MRRF: variants seen among roughly 807,000 people sequenced by gnomAD.
The protein encoded by MRRF is mitochondrial ribosome recycling factor, also known as ribosome-recycling factor, mitochondrial.
Under a neutral mutation model 25.1 loss-of-function variants are expected in MRRF, and 18 were observed. The observed-to-expected ratio is 0.72, with a 90% CI of 0.50 to 1.06. The LOEUF (loss-of-function observed/expected upper bound fraction) is 1.06. Among genes scored for constraint, MRRF ranks in the 50% least tolerant of loss-of-function variants. The pLI is 0.00. For synonymous variants in MRRF, 113 were observed against 112.1 expected, an observed-to-expected ratio of 1.01 and a Z score of -0.05; for missense variants, 323 against 319.3, an observed-to-expected ratio of 1.01 and a Z score of -0.09.
intron 6 of MRRF, among the ~76,000 whole-genome samples, chr9:122,318,936 C>T (rs1425027196): frequency 6.6e-6 from 1 of 152,044 alleles, no homozygotes. Context: ...AATTGTTCGC[C>T]CTGTTTCTTT....
chr9:122,313,451 G>A, intron 6 of MRRF, 65 bp downstream of exon 6: 1 of 1,543,742 alleles, frequency 6.5e-7, no homozygotes, highest in South Asian at 1.1e-5. Flanking sequence ...GTTCATGTTT[G>A]AGGTGAGGAC....
chr9:122,283,293 C>T (rs1317812716), intron 3 of MRRF, among the ~76,000 whole-genome samples: 2 of 152,044 alleles, frequency 1.3e-5, no homozygotes, highest in Admixed American at 1.3e-4. Flanking sequence ...CAAGGTTTCA[C>T]TATGTTGGCC....
chr9:122,302,085 C>T (rs1272653338), intron 5 of MRRF, among the ~76,000 whole-genome samples: 2 of 152,060 alleles, frequency 1.3e-5, no homozygotes, highest in Non-Finnish European at 2.9e-5. Context: ...TTGTCTGTCT[C>T]TACTGCCGTG....
intron 2 of MRRF, among the ~76,000 whole-genome samples, chr9:122,275,948 C>G (rs1832744784): frequency 2.0e-5 from 3 of 151,988 alleles, no homozygotes; most frequent in African/African-American, 7.2e-5. Context: ...CCCTCTGTCA[C>G]CCAGACTGGA....
At chr9:122,278,682 T>G (rs567111498) in intron 2 of MRRF, among the ~76,000 whole-genome samples, 1 of 152,228 alleles carries the variant, frequency 6.6e-6, no homozygotes, top group Non-Finnish European at 1.5e-5. Flanking sequence ...AAGTTGAAGA[T>G]ATTATTTCAG....
chr9:122,296,830 G>A (rs1328482720), intron 5 of MRRF, among the ~76,000 whole-genome samples: 2 of 152,122 alleles, frequency 1.3e-5, no homozygotes, highest in Non-Finnish European at 2.9e-5. Flanking sequence ...TAGAATAGTG[G>A]TGCTTTGGTT....
At chr9:122,317,962 C>A (rs1036231408) in intron 6 of MRRF, among the ~76,000 whole-genome samples, 1 of 152,104 alleles carries the variant, frequency 6.6e-6, no homozygotes, top group South Asian at 2.1e-4. Context: ...ACGGTGAAAC[C>A]CTGTCTTTAC....
intron 5 of MRRF, among the ~76,000 whole-genome samples, chr9:122,310,493 T>C (rs1174271689): frequency 3.3e-5 from 5 of 152,274 alleles, no homozygotes; most frequent in African/African-American, 1.2e-4. Context: ...CTTCTGCAGC[T>C]AACAAGTTAC....
intron 5 of MRRF, among the ~76,000 whole-genome samples, chr9:122,311,156 G>C (rs1384525875): frequency 1.3e-5 from 2 of 152,156 alleles, no homozygotes; most frequent in Non-Finnish European, 2.9e-5. Flanking sequence ...AGGATAGTCA[G>C]CTTCTGAGCA....
At position 122,291,794 on chromosome 9, in the gene MRRF, CTG is replaced by C; in HGVS notation, c.506_507del (p.Leu169GlnfsTer63). 1 of 1,613,980 alleles carries C rather than the reference CTG, an allele frequency of 6.2e-7. No homozygotes were observed. Among genetic ancestry groups the C allele is most frequent in the Non-Finnish European group, 8.5e-7 (1 of 1,179,818 alleles). Reference sequence around the variant, plus strand: ...GGCTATAAGAGAAAGTGGAATGAATCTGAACCCAGAAGTGGAAGGGACGCTAA... The same window carrying C: ...GGCTATAAGAGAAAGTGGAATGAATCAACCCAGAAGTGGAAGGGACGCTAA... ...IKAIRESGMN[L>X]NPEVEGTLIR... On this transcript the variant is annotated frameshift_variant, in exon 5 of 7. Coordinates refer to ENST00000344641, the MANE Select transcript of MRRF (RefSeq NM_138777.5). LOFTEE classifies it high-confidence loss of function.
At chr9:122,313,173 G>A in intron 5 of MRRF, 54 bp from the exon 6 acceptor site, 1 of 1,558,152 alleles carries the variant, frequency 6.4e-7, no homozygotes, top group Non-Finnish European at 8.8e-7. Flanking sequence ...TAAATTCTTG[G>A]CCAGCAGTTA....
intron 5 of MRRF, among the ~76,000 whole-genome samples, chr9:122,307,998 G>A (rs1447317141): frequency 6.6e-6 from 1 of 152,212 alleles, no homozygotes; most frequent in African/African-American, 2.4e-5. Context: ...TCTGTTGTGT[G>A]AGTTAGCAGT....
intron 5 of MRRF, among the ~76,000 whole-genome samples, chr9:122,297,534 T>C (rs995618574): frequency 1.3e-5 from 2 of 152,208 alleles, no homozygotes; most frequent in African/African-American, 4.8e-5. Context: ...TCACTCTTTT[T>C]CTAAAGGTGT....
chr9:122,282,537 A>T (rs1045802753), intron 3 of MRRF, among the ~76,000 whole-genome samples: 1 of 152,268 alleles, frequency 6.6e-6, no homozygotes, highest in Non-Finnish European at 1.5e-5. Context: ...GGAGTTGGTC[A>T]GACCTGGGTT....
At chr9:122,272,388 G>A (rs953616837) in intron 2 of MRRF, among the ~76,000 whole-genome samples, 4 of 152,138 alleles carry the variant, frequency 2.6e-5, no homozygotes, top group Non-Finnish European at 5.9e-5. Context: ...TGGTTTAGCC[G>A]AGTGCTGTGG....
chr9:122,270,954 C>T lies in MRRF; in HGVS notation c.63C>T (p.Ala21=). Residue 21 remains alanine (A), a synonymous_variant, in exon 2 of 7, where the codon GCC becomes GCT. Transcript: ENST00000344641. Reference sequence around the variant, plus strand: ...CTACCTTTCGCAATTATCTTGCAGCCTCTATCAGACCCGTTTCAGAAGTTA... The same window carrying T: ...CTACCTTTCGCAATTATCTTGCAGCTTCTATCAGACCCGTTTCAGAAGTTA... ...VHPTFRNYLA[A]SIRPVSEVTL... is the part of the protein sequence containing the mutation. 1 of 1,614,186 alleles carries T rather than the reference C, an allele frequency of 6.2e-7. No homozygotes were observed. Among genetic ancestry groups the T allele is most frequent in the Non-Finnish European group, 8.5e-7 (1 of 1,180,010 alleles).
chr9:122,285,307 A>G lies in MRRF; in HGVS notation c.459+20A>G, dbSNP rs376641899. ...CCAGAGGTAAGATGGCCTTGCTAAA[A>G]TCTCTCTCCGTGGTCTCTTTTGGAA... is the stretch of plus-strand genomic sequence containing the variant. On this transcript the variant is annotated intron_variant, in intron 4 of 6. Transcript: ENST00000344641. 5 of 1,433,384 alleles carry G rather than the reference A, an allele frequency of 3.5e-6. No individual in the cohort carries two copies. Among genetic ancestry groups the G allele is most frequent in the South Asian group, 3.4e-5 (3 of 87,418 alleles). The allele number at this position is 1,433,384 out of a possible 1,614,324, so 88.8% of individuals were successfully genotyped here.
intron 3 of MRRF, 136 bp downstream of exon 3, chr9:122,280,734 G>GT (rs1377397068): frequency 1.3e-6 from 1 of 744,496 alleles, no homozygotes; most frequent in Non-Finnish European, 2.3e-6. Context: ...CTGGTCCTCG[G>GT]TTTTCTTGTT....
intron 5 of MRRF, among the ~76,000 whole-genome samples, chr9:122,301,016 C>T (rs963997246): frequency 2.6e-5 from 4 of 152,062 alleles, no homozygotes; most frequent in South Asian, 2.1e-4. Context: ...GCTTCAAGAT[C>T]GTTAGATAAT....
Sources: gnomAD v4.1 joint callset for allele counts (sites outside exome capture counted in the v4.1 genomes callset) on GRCh38, gnomAD v4.1.1 for gene constraint, MANE v1.5 for transcripts, NCBI Gene and HGNC (gene_info 2026-07-23, HGNC 2026-07-21) for gene names.